Variants in CCN1 observed in about 807,000 individuals in gnomAD.
CCN1 encodes CCN family member 1.
CCN1 carries 12 observed loss-of-function variants against 38.1 expected under a neutral mutation model. That is an observed-to-expected ratio of 0.31 (90% CI 0.20 to 0.51). CCN1 has a LOEUF of 0.51. Among genes scored for constraint, CCN1 ranks in the 20% least tolerant of loss-of-function variants. CCN1 has a pLI of 0.97. For missense variants in CCN1, 466 were observed against 490.9 expected (o/e 0.95, Z 0.48); for synonymous variants, 202 against 196.1 (o/e 1.03, Z -0.25).
Position 85,582,564 on chromosome 1 carries a change from G to T in CCN1, c.783G>T (p.Val261=). The T allele has an allele frequency of 6.2e-7, 1 of 1,614,178 alleles. No individual in the cohort carries two copies. The highest frequency in any genetic ancestry group is 1.3e-5 in the African/African-American group (1 of 75,030). Residue 261 remains valine (V), a synonymous_variant, in exon 4 of 5, where the codon GTG becomes GTT. Transcript: ENST00000451137. ...ATGACAACCCTGAGTGCCGCCTTGT[G>T]AAAGAAACCCGGATTTGTGAGGTGC... ...VTNDNPECRL[V]KETRICEVRP... is the part of the protein sequence containing the mutation.
rs1659810423 is a variant in CCN1 at position 85,582,405 on chromosome 1, T to C, written c.635-11T>C. ...TGCCTCTGAGAAGTCTTCCCTCTTATATGTCTCTAGTTTTTGGAATGGAGC... is the reference window on the plus strand; with the variant it reads ...TGCCTCTGAGAAGTCTTCCCTCTTACATGTCTCTAGTTTTTGGAATGGAGC... On this transcript the variant is annotated splice_polypyrimidine_tract_variant and intron_variant, in intron 3 of 4. Coordinates refer to ENST00000451137, the MANE Select transcript of CCN1 (RefSeq NM_001554.5). 6.2e-7 allele frequency: 1 copy of C among 1,614,100 alleles called. No individual in the cohort carries two copies. Among genetic ancestry groups the C allele is most frequent in the African/African-American group, 1.3e-5 (1 of 75,040 alleles).
chr1:85,580,848 G>T lies in CCN1; in HGVS notation c.-137G>T, dbSNP rs1236015679. The T allele has an allele frequency of 5.4e-6, 4 of 740,148 alleles. No homozygotes were observed. Among genetic ancestry groups the T allele is most frequent in the Non-Finnish European group, 5.7e-6 (3 of 529,996 alleles). 45.8% of individuals were successfully genotyped at this position (740,148 alleles called of 1,614,324 possible). On this transcript the variant is annotated 5_prime_UTR_variant, in exon 1 of 5. Transcript: ENST00000451137. ...CTCGAGCGAAAGACGCCCGCCCGCCGCCCAGCCCTCGCCTCCCTGCCCACC... is the reference window on the plus strand; with the variant it reads ...CTCGAGCGAAAGACGCCCGCCCGCCTCCCAGCCCTCGCCTCCCTGCCCACC...
At position 85,580,798 on chromosome 1, in the gene CCN1, C is replaced by T; in HGVS notation, c.-187C>T. The T allele has an allele frequency of 2.3e-6, 1 of 439,960 alleles. No homozygotes were observed. The allele number at this position is 439,960 out of a possible 1,614,324, so 27.3% of individuals were successfully genotyped here. A position where few individuals can be genotyped will look rare whatever the true frequency, so the allele number is the denominator to read the frequency against. On this transcript the variant is annotated 5_prime_UTR_variant, in exon 1 of 5. Transcript: ENST00000451137. ...AGAGCGCCCCCGAGCAGCGCCCGCG[C>T]CCTCCGCGCCTTCTCCGCCGGGACC...
At chr1:85,582,683 C>G (rs1659816958) in intron 4 of CCN1, 57 bp from the exon 5 acceptor site, 5 of 1,612,210 alleles carry the variant, frequency 3.1e-6, no homozygotes, top group East Asian at 2.2e-5. Flanking sequence ...ATGTGAACAT[C>G]TTTTTGAAGA....
chr1:85,582,778 A>C lies in CCN1; in HGVS notation c.882A>C (p.Glu294Asp), dbSNP rs1408595536. 2 of 1,614,006 alleles carry C rather than the reference A, an allele frequency of 1.2e-6. No individual in the cohort carries two copies. The highest frequency in any genetic ancestry group is 2.7e-5 in the African/African-American group (2 of 74,910). ...KKCSKTKKSP[E>D]PVRFTYAGCL... ...GCAGCAAGACCAAGAAATCCCCCGA[A>C]CCAGTCAGGTTTACTTACGCTGGAT... The change falls in exon 5 of 5, where the codon GAA becomes GAC. Residue 294 changes from glutamate (E) to aspartate (D), a missense_variant. Coordinates refer to ENST00000451137, the MANE Select transcript of CCN1 (RefSeq NM_001554.5).
In CCN1 at chr1:85,581,004, G is replaced by A. The variant is rs1452380283; in HGVS notation, c.20G>A (p.Arg7Lys). 1.2e-6 allele frequency: 2 copies of A among 1,606,862 alleles called. No individual in the cohort carries two copies. The change falls in exon 1 of 5, where the codon AGG (arginine) becomes AAG (lysine). Residue 7 changes from arginine to lysine, a missense_variant. By Grantham distance (26) the Arg-to-Lys change is conservative. This residue lies in a region of CCN1 where 146 missense variants were observed against 141.1 expected (regional missense o/e 1.03). Transcript: ENST00000451137. MSSRIA[R>K]ALALVVTLLH... ...GCCACAATGAGCTCCCGCATCGCCA[G>A]GGCGCTCGCCTTAGTCGTCACCCTT...
At position 85,582,618 on chromosome 1, in the gene CCN1, C is replaced by A; in HGVS notation, c.837C>A (p.Ser279Arg). The A allele has an allele frequency of 6.2e-7, 1 of 1,614,116 alleles. No individual in the cohort carries two copies. The highest frequency in any genetic ancestry group is 8.5e-7 in the Non-Finnish European group (1 of 1,180,034). The change falls in exon 4 of 5, where the codon AGC becomes AGA. Residue 279 changes from serine to arginine, a missense_variant. Physicochemically the swap from Ser to Arg is moderately radical, Grantham distance 110 (BLOSUM62 -1). Around this residue, in one of 3 missense-constraint regions of CCN1, gnomAD observed 309 missense variants for 319.9 expected, o/e 0.97. Transcript: ENST00000451137. ...CTTGTGGACAGCCAGTGTACAGCAG[C>A]CTGAAAGTAAGTTCCTTCAGGGACG... ...VRPCGQPVYS[S>R]LKKGKKCSKT...
chr1:85,583,654 G>T lies in CCN1; in HGVS notation c.*612G>T, dbSNP rs934393825. Reference sequence around the variant, plus strand: ...AAATGATTTTAATTTTATATTCAGTGAAAAGATTTTATTTATGGAATTAAC... The same window carrying T: ...AAATGATTTTAATTTTATATTCAGTTAAAAGATTTTATTTATGGAATTAAC... On this transcript the variant is annotated 3_prime_UTR_variant, in exon 5 of 5. Transcript: ENST00000451137. The T allele has an allele frequency of 2.0e-5, 3 of 152,698 alleles. No individual in the cohort carries two copies. Among genetic ancestry groups the T allele is most frequent in the Admixed American group, 2.0e-4 (3 of 15,280 alleles). The allele number at this position is 152,698 out of a possible 1,614,324, so 9.5% of individuals were successfully genotyped here.
chr1:85,581,204 C>T, intron 1 of CCN1, 157 bp downstream of exon 1: 1 of 1,167,610 alleles, frequency 8.6e-7, no homozygotes, highest in Non-Finnish European at 1.2e-6. Context: ...GAAGACGTGT[C>T]GGGACCTCTT....
At chr1:85,581,855 T>G in intron 2 of CCN1, 73 bp from the exon 3 acceptor site, 1 of 1,444,024 alleles carries the variant, frequency 6.9e-7, no homozygotes. Context: ...AGAAAATATG[T>G]ATGAGTTTCA....
At position 85,580,854 on chromosome 1, in the gene CCN1, C is replaced by T. The variant is rs1659756121; in HGVS notation, c.-131C>T. On this transcript the variant is annotated 5_prime_UTR_variant, in exon 1 of 5. Coordinates refer to ENST00000451137, the MANE Select transcript of CCN1 (RefSeq NM_001554.5). ...CGAAAGACGCCCGCCCGCCGCCCAGCCCTCGCCTCCCTGCCCACCGGGCCC... is the reference window on the plus strand; with the variant it reads ...CGAAAGACGCCCGCCCGCCGCCCAGTCCTCGCCTCCCTGCCCACCGGGCCC... 2.5e-6 allele frequency: 2 copies of T among 801,584 alleles called. No individual in the cohort carries two copies. The highest frequency in any genetic ancestry group is 3.7e-5 in the South Asian group (1 of 27,310). 49.7% of individuals were successfully genotyped at this position (801,584 alleles called of 1,614,324 possible). A position where few individuals can be genotyped will look rare whatever the true frequency, so the allele number is the denominator to read the frequency against.
intron 2 of CCN1, 149 bp downstream of exon 2, chr1:85,581,727 A>G (rs2100586230): frequency 8.6e-7 from 1 of 1,164,986 alleles, no homozygotes; most frequent in Non-Finnish European, 1.2e-6. Context: ...AATGCAATTC[A>G]GTGTGTCTGG....
In CCN1 at chr1:85,580,830, G is replaced by T; in HGVS notation, c.-155G>T. 3.3e-6 allele frequency: 2 copies of T among 607,710 alleles called. No individual in the cohort carries two copies. Among genetic ancestry groups the T allele is most frequent in the Non-Finnish European group, 4.8e-6 (2 of 413,104 alleles). 37.6% of individuals were successfully genotyped at this position (607,710 alleles called of 1,614,324 possible). On this transcript the variant is annotated 5_prime_UTR_variant, in exon 1 of 5. Transcript: ENST00000451137. Reference sequence around the variant, plus strand: ...CGCCTTCTCCGCCGGGACCTCGAGCGAAAGACGCCCGCCCGCCGCCCAGCC... The same window carrying T: ...CGCCTTCTCCGCCGGGACCTCGAGCTAAAGACGCCCGCCCGCCGCCCAGCC...
chr1:85,581,601 C>G, intron 2 of CCN1, 23 bp downstream of exon 2: 1 of 1,599,600 alleles, frequency 6.3e-7, no homozygotes, highest in South Asian at 1.1e-5. Context: ...TGGTTTGGCC[C>G]CTTTAAAAAA....
At chr1:85,581,341 A>C in intron 1 of CCN1, 24 bp from the exon 2 acceptor site, 2 of 1,546,528 alleles carry the variant, frequency 1.3e-6, no homozygotes, top group Non-Finnish European at 1.7e-6. Context: ...GCCGAGTCTC[A>C]CGCGTATCTT....
At chr1:85,581,328 C>A in intron 1 of CCN1, 37 bp from the exon 2 acceptor site, 1 of 1,524,690 alleles carries the variant, frequency 6.6e-7, no homozygotes, top group Middle Eastern at 2.3e-4. Context: ...TCCTGCGCAC[C>A]GCGCCGAGTC....
rs949697605 is a variant in CCN1 at position 85,581,035 on chromosome 1, C to G, written c.51C>G (p.His17Gln). ...RALALVVTLL[H>Q]LTRLALSTCP... Reference sequence around the variant, plus strand: ...TCGCCTTAGTCGTCACCCTTCTCCACTTGACCAGGCTGGTGAGTTGGACTC... The same window carrying G: ...TCGCCTTAGTCGTCACCCTTCTCCAGTTGACCAGGCTGGTGAGTTGGACTC... The change falls in exon 1 of 5, where the codon CAC (histidine) becomes CAG (glutamine). Residue 17 changes from histidine to glutamine, a missense_variant. His to Gln is a conservative substitution (Grantham distance 24). Around this residue, in one of 3 missense-constraint regions of CCN1, gnomAD observed 146 missense variants for 141.1 expected, o/e 1.03. Transcript: ENST00000451137. 6.2e-7 allele frequency: 1 copy of G among 1,610,800 alleles called. No individual in the cohort carries two copies. The highest frequency in any genetic ancestry group is 1.3e-5 in the African/African-American group (1 of 74,850).
At chr1:85,582,706 A>G (rs1439009524) in intron 4 of CCN1, 34 bp from the exon 5 acceptor site, 9 of 1,611,858 alleles carry the variant, frequency 5.6e-6, no homozygotes, top group Non-Finnish European at 7.6e-6. Context: ...GAGAAATATC[A>G]CCCCTAACTT....
chr1:85,582,843 C>G lies in CCN1; in HGVS notation c.947C>G (p.Ser316Cys), dbSNP rs148330006. ...AAATACCGGCCCAAGTACTGCGGTT[C>G]CTGCGTGGACGGCCGATGCTGCACG... ...VKKYRPKYCG[S>C]CVDGRCCTPQ... Residue 316 changes from serine to cysteine, a missense_variant, in exon 5 of 5, where the codon TCC becomes TGC. Ser to Cys is a moderately radical substitution (Grantham distance 112). Coordinates refer to ENST00000451137, the MANE Select transcript of CCN1 (RefSeq NM_001554.5). The G allele has an allele frequency of 6.8e-3, 11,011 of 1,614,154 alleles. 44 individuals carry two copies. The highest frequency in any genetic ancestry group is 8.2e-3 in the Non-Finnish European group (9,652 of 1,180,032).
Sources: gnomAD v4.1 joint callset for allele counts on GRCh38, gnomAD v4.1.1 for gene constraint, gnomAD v4.1.1 regional missense constraint, MANE v1.5 for transcripts, NCBI Gene and HGNC (gene_info 2026-07-23, HGNC 2026-07-21) for gene names.